TRAPPC9: variants seen among roughly 807,000 people sequenced by gnomAD.
TRAPPC9 encodes the protein trafficking protein particle complex subunit 9.
In TRAPPC9, 83 loss-of-function variants were observed where a neutral mutation model predicts 124.0. That is an observed-to-expected ratio of 0.67 (90% confidence interval 0.56 to 0.80). The LOEUF (loss-of-function observed/expected upper bound fraction) is 0.80, where lower values mean the gene tolerates loss of function less well. Among genes scored for constraint, TRAPPC9 ranks in the 30% least tolerant of loss-of-function variants. TRAPPC9 has a pLI of 0.00. For synonymous variants in TRAPPC9, 638 were observed against 617.5 expected (o/e 1.03, Z -0.49); for missense variants, 1,302 against 1,508.3 (o/e 0.86, Z 2.27).
At chr8:140,274,137 A>T (rs1422363820) in intron 15 of TRAPPC9, among the ~76,000 whole-genome samples, 8 of 152,192 alleles carry the variant, frequency 5.3e-5, no homozygotes, top group African/African-American at 1.9e-4. Flanking sequence ...TTTAGCATAT[A>T]ACAATTTGCC....
At chr8:139,856,922 C>A (rs1424576323) in intron 21 of TRAPPC9, among the ~76,000 whole-genome samples, 1 of 152,156 alleles carries the variant, frequency 6.6e-6, no homozygotes, top group Non-Finnish European at 1.5e-5. Context: ...GAACCTGACG[C>A]TGCTGAGCAC....
At chr8:140,409,623 A>C (rs1400189790) in intron 5 of TRAPPC9, among the ~76,000 whole-genome samples, 8 of 152,214 alleles carry the variant, frequency 5.3e-5, no homozygotes, top group Non-Finnish European at 8.8e-5. Context: ...CGCAGCTGTG[A>C]AAGTGGATGA....
rs534153823 is a variant in TRAPPC9, at chr8:139,929,553, G to C, written c.2811-19253C>G. ...AAAAAGCTGAGCTGTCCTGTGCTTC[G>C]GGCAGCCTCAGTTCTTGGCTTTGGT... is the stretch of plus-strand genomic sequence containing the variant. On this transcript the variant is annotated intron_variant, in intron 19 of 22. Coordinates refer to ENST00000438773, the MANE Select transcript of TRAPPC9 (RefSeq NM_001160372.4). Among the ~76,000 whole-genome samples the C allele has an allele frequency of 2.0e-5, 3 of 151,492 alleles. 1 individual carries two copies. Among genetic ancestry groups the C allele is most frequent in the African/African-American group, 7.3e-5 (3 of 41,350 alleles).
chr8:140,041,743 G>A (rs762782588), intron 17 of TRAPPC9, among the ~76,000 whole-genome samples: 12 of 152,208 alleles, frequency 7.9e-5, no homozygotes, highest in Admixed American at 5.2e-4. Context: ...AGGCCAAGGC[G>A]GGCAGATCAC....
chr8:140,140,256 C>G (rs1242484188), intron 17 of TRAPPC9, among the ~76,000 whole-genome samples: 8 of 152,186 alleles, frequency 5.3e-5, no homozygotes, highest in African/African-American at 1.9e-4. Flanking sequence ...CCAGTGGCAG[C>G]CCTTTGGCTT....
intron 17 of TRAPPC9, among the ~76,000 whole-genome samples, chr8:140,047,874 G>A (rs1187985175): frequency 6.6e-6 from 1 of 152,230 alleles, no homozygotes; most frequent in Non-Finnish European, 1.5e-5. Flanking sequence ...AGAGGTCGGG[G>A]CAGAAGTGGA....
chr8:140,111,654 TAA>T (rs2060778395), intron 17 of TRAPPC9, among the ~76,000 whole-genome samples: 1 of 152,246 alleles, frequency 6.6e-6, no homozygotes, highest in African/African-American at 2.4e-5. Flanking sequence ...ATGCATTCAT[TAA>T]AAGAGTCCCA....
At chr8:139,915,973 T>C (rs1832101666) in intron 19 of TRAPPC9, among the ~76,000 whole-genome samples, 1 of 152,166 alleles carries the variant, frequency 6.6e-6, no homozygotes, top group Non-Finnish European at 1.5e-5. Context: ...TCTCTAGAGA[T>C]TCGCTAAAGG....
intron 21 of TRAPPC9, among the ~76,000 whole-genome samples, chr8:139,869,605 A>G (rs1828765692): frequency 6.6e-6 from 1 of 152,236 alleles, no homozygotes; most frequent in South Asian, 2.1e-4. Flanking sequence ...TACATTTTCA[A>G]CTCAATACAC....
intron 10 of TRAPPC9, among the ~76,000 whole-genome samples, chr8:140,300,948 G>A (rs779433515): frequency 7.2e-5 from 11 of 152,216 alleles, no homozygotes; most frequent in African/African-American, 1.9e-4. Context: ...CTTTGGGCAC[G>A]TGCCTTGCCA....
rs564922942 is a variant in TRAPPC9, at chr8:139,791,512, A to G, written c.3056-59310T>C. ...ACCCATCTCCCCTGCCCACAGACTC[A>G]CACACACACTCACACAGGCACTCGT... On this transcript the variant is annotated intron_variant, in intron 21 of 22. Coordinates refer to ENST00000438773, the MANE Select transcript of TRAPPC9 (RefSeq NM_001160372.4). 8.1e-5 allele frequency among the ~76,000 whole-genome samples: 12 copies of G among 147,294 alleles called. No individual in the cohort carries two copies. The South Asian group carries it at 2.6e-3, about 32-fold the overall frequency.
chr8:139,843,102 A>G (rs1826848633), intron 21 of TRAPPC9, among the ~76,000 whole-genome samples: 1 of 152,192 alleles, frequency 6.6e-6, no homozygotes, highest in Non-Finnish European at 1.5e-5. Flanking sequence ...CCTTATGTGC[A>G]ATACCATGCC....
At chr8:139,863,553 G>A (rs1828314100) in intron 21 of TRAPPC9, among the ~76,000 whole-genome samples, 1 of 152,222 alleles carries the variant, frequency 6.6e-6, no homozygotes, top group Admixed American at 6.5e-5. Flanking sequence ...GGACTTGCGG[G>A]GTGAGGCCCT....
intron 17 of TRAPPC9, among the ~76,000 whole-genome samples, chr8:140,150,350 G>A (rs1381673670): frequency 6.6e-6 from 1 of 152,180 alleles, no homozygotes; most frequent in Admixed American, 6.5e-5. Flanking sequence ...TCAGGAAGCT[G>A]AGGCAGAAGA....
intron 21 of TRAPPC9, among the ~76,000 whole-genome samples, chr8:139,809,549 C>T (rs528306333): frequency 6.6e-6 from 1 of 152,306 alleles, no homozygotes; most frequent in South Asian, 2.1e-4. Context: ...GTCTCTGTCC[C>T]ACAGCAGGGC....
chr8:140,360,825 C>T (rs549246576), intron 8 of TRAPPC9, among the ~76,000 whole-genome samples: 4 of 152,150 alleles, frequency 2.6e-5, no homozygotes, highest in African/African-American at 9.7e-5. Flanking sequence ...TCTGGACCTC[C>T]AGGGCTCAAG....
At chr8:139,939,230 G>A (rs1272407911) in intron 19 of TRAPPC9, among the ~76,000 whole-genome samples, 1 of 152,232 alleles carries the variant, frequency 6.6e-6, no homozygotes, top group Non-Finnish European at 1.5e-5. Context: ...CAGAGTCCAA[G>A]GAAGGTCCTG....
intron 21 of TRAPPC9, among the ~76,000 whole-genome samples, chr8:139,791,629 G>T (rs1473128973): frequency 6.6e-6 from 1 of 152,144 alleles, no homozygotes; most frequent in African/African-American, 2.4e-5. Flanking sequence ...GCACTGCTTT[G>T]CCCGTAAGCC....
At chr8:140,024,753 G>A (rs185096368) in intron 17 of TRAPPC9, among the ~76,000 whole-genome samples, 3 of 151,778 alleles carry the variant, frequency 2.0e-5, no homozygotes, top group Non-Finnish European at 4.4e-5. Flanking sequence ...GAGCCACTGC[G>A]CCGGCCTAAA....
Sources: allele counts gnomAD v4.1 joint callset (sites outside exome capture counted in the v4.1 genomes callset), GRCh38; gene constraint gnomAD v4.1.1; transcripts MANE v1.5; gene names NCBI Gene and HGNC (gene_info 2026-07-23, HGNC 2026-07-21).